Variants in CNTNAP2 observed in about 807,000 individuals in gnomAD.
The protein encoded by CNTNAP2 is contactin associated protein 2, also known as contactin-associated protein-like 2.
A neutral mutation model predicts 155.2 loss-of-function variants in CNTNAP2; 98 were observed. That is an observed-to-expected ratio of 0.63 (90% CI 0.54 to 0.75). The LOEUF is 0.75. Among genes scored for constraint, CNTNAP2 ranks in the 30% least tolerant of loss-of-function variants. The pLI, the probability that CNTNAP2 is intolerant of heterozygous loss-of-function variation, is 0.00. For missense variants in CNTNAP2, 1,727 were observed against 1,688.1 expected (o/e 1.02, Z -0.40); for synonymous variants, 651 against 631.2 (o/e 1.03, Z -0.47).
At chr7:147,963,489 A>G (rs1483452042) in intron 14 of CNTNAP2, among the ~76,000 whole-genome samples, 4 of 152,144 alleles carry the variant, frequency 2.6e-5, no homozygotes, top group African/African-American at 7.2e-5. Flanking sequence ...TAGGCAGAGA[A>G]AAGAAGAAAG....
intron 13 of CNTNAP2, among the ~76,000 whole-genome samples, chr7:147,787,434 C>T (rs531204254): frequency 6.6e-6 from 1 of 152,282 alleles, no homozygotes; most frequent in South Asian, 2.1e-4. Context: ...AAAGTCAAAT[C>T]AAATATTAAT....
Position 146,744,678 on chromosome 7 carries a change from T to C in CNTNAP2, c.98-29593T>C, listed in dbSNP as rs1311320210. On this transcript the variant is annotated intron_variant, in intron 1 of 23. Transcript: ENST00000361727. Reference sequence around the variant, plus strand: ...CCTCCAATGTTGGAACTATCTTGCATGTCACACCAATTAAATAAAATGGGT... The same window carrying C: ...CCTCCAATGTTGGAACTATCTTGCACGTCACACCAATTAAATAAAATGGGT... Among the ~76,000 whole-genome samples, 4 of 152,336 alleles carry C rather than the reference T, an allele frequency of 2.6e-5. No homozygotes were observed. In the East Asian group the frequency reaches 5.8e-4, roughly 22 times the overall value.
intron 1 of CNTNAP2, among the ~76,000 whole-genome samples, chr7:146,387,018 C>T (rs1469295050): frequency 6.6e-6 from 1 of 152,038 alleles, no homozygotes; most frequent in Non-Finnish European, 1.5e-5. Flanking sequence ...ACACTCTCAC[C>T]CAAAACAAAC....
At chr7:147,473,295 G>A (rs2116613012) in intron 10 of CNTNAP2, among the ~76,000 whole-genome samples, 1 of 152,256 alleles carries the variant, frequency 6.6e-6, no homozygotes, top group South Asian at 2.1e-4. Flanking sequence ...ATTTGTTTTA[G>A]GTAACATTAA....
intron 13 of CNTNAP2, among the ~76,000 whole-genome samples, chr7:147,765,868 A>G (rs1457198123): frequency 1.3e-5 from 2 of 152,210 alleles, no homozygotes; most frequent in African/African-American, 4.8e-5. Context: ...TACTCGTACA[A>G]TGGAATACTA....
intron 12 of CNTNAP2, among the ~76,000 whole-genome samples, chr7:147,637,633 T>C (rs1795202969): frequency 1.3e-5 from 2 of 152,154 alleles, no homozygotes; most frequent in South Asian, 4.1e-4. Flanking sequence ...GGGCAGGGAT[T>C]TCATGGAGTA....
intron 3 of CNTNAP2, among the ~76,000 whole-genome samples, chr7:146,869,898 G>T (rs1022849648): frequency 3.9e-5 from 6 of 152,066 alleles, no homozygotes; most frequent in Non-Finnish European, 7.4e-5. Flanking sequence ...ATCTCTTCTG[G>T]TAACACTCAG....
chr7:147,551,671 T>G (rs35194474), intron 11 of CNTNAP2, among the ~76,000 whole-genome samples: 19,114 of 152,186 alleles, frequency 0.13, 1,526 homozygotes, highest in East Asian at 0.31. Flanking sequence ...CAGATGCTAA[T>G]ATCTTGTTGC....
intron 3 of CNTNAP2, among the ~76,000 whole-genome samples, chr7:146,985,122 A>G (rs1798091755): frequency 6.6e-6 from 1 of 152,124 alleles, no homozygotes; most frequent in South Asian, 2.1e-4. Context: ...TCATAGAATG[A>G]TAAAAGCAGT....
intron 1 of CNTNAP2, among the ~76,000 whole-genome samples, chr7:146,216,819 A>G (rs1455857987): frequency 2.6e-5 from 4 of 152,218 alleles, no homozygotes; most frequent in Admixed American, 2.6e-4. Context: ...TGGGATTTGT[A>G]CTAGAGTTGT....
chr7:147,647,868 A>C (rs1444107337), intron 13 of CNTNAP2, among the ~76,000 whole-genome samples: 1 of 152,182 alleles, frequency 6.6e-6, no homozygotes, highest in African/African-American at 2.4e-5. Context: ...ACAGGCAAGC[A>C]AGTAAAAAAA....
At chr7:147,027,557 A>T (rs1798946771) in intron 3 of CNTNAP2, among the ~76,000 whole-genome samples, 1 of 152,348 alleles carries the variant, frequency 6.6e-6, no homozygotes, top group Non-Finnish European at 1.5e-5. Flanking sequence ...GCAACGTATG[A>T]ACAAAAGGCA....
At chr7:146,143,953 G>T (rs140127189) in intron 1 of CNTNAP2, among the ~76,000 whole-genome samples, 2,335 of 151,968 alleles carry the variant, frequency 0.015, 53 homozygotes, top group African/African-American at 0.053. Flanking sequence ...AGTAGATATG[G>T]GTTTCACCAT....
chr7:147,281,014 A>T (rs1805021614), intron 8 of CNTNAP2, among the ~76,000 whole-genome samples: 1 of 151,930 alleles, frequency 6.6e-6, no homozygotes. Context: ...TTACTAGTTT[A>T]TATGGGCAAG....
intron 2 of CNTNAP2, among the ~76,000 whole-genome samples, chr7:146,816,015 G>T (rs1455134403): frequency 1.3e-5 from 2 of 152,136 alleles, no homozygotes; most frequent in African/African-American, 4.8e-5. Context: ...TGTGGTGTTT[G>T]GTTTTCTGTC....
chr7:147,747,307 G>A (rs1797060652), intron 13 of CNTNAP2, among the ~76,000 whole-genome samples: 1 of 152,028 alleles, frequency 6.6e-6, no homozygotes, highest in Non-Finnish European at 1.5e-5. Flanking sequence ...ACATCAGACT[G>A]GCATCTCTTC....
intron 9 of CNTNAP2, among the ~76,000 whole-genome samples, chr7:147,321,995 G>T (rs1258821068): frequency 3.9e-5 from 6 of 152,160 alleles, no homozygotes; most frequent in South Asian, 2.1e-4. Context: ...ACTGTTCAAG[G>T]CTAATGCAGT....
chr7:147,640,522 G>A (rs865823850), intron 13 of CNTNAP2, among the ~76,000 whole-genome samples: 1 of 152,144 alleles, frequency 6.6e-6, no homozygotes, highest in Non-Finnish European at 1.5e-5. Context: ...TTTGTGCTAT[G>A]TCAGAGACCA....
rs112651386 is a variant in CNTNAP2 at position 147,272,895 on chromosome 7, T to C, written c.1349-27246T>C. 2.2e-4 allele frequency among the ~76,000 whole-genome samples: 34 copies of C among 152,258 alleles called. 1 individual carries two copies. Among genetic ancestry groups the C allele is most frequent in the African/African-American group, 8.2e-4 (34 of 41,550 alleles). ...TGATTTGTCTTTTAATATACTTCCA[T>C]TTGCTTATGTTGAGTGAAGTTATCT... is the stretch of plus-strand genomic sequence containing the variant. On this transcript the variant is annotated intron_variant, in intron 8 of 23. Transcript: ENST00000361727.
Sources: gnomAD v4.1 joint callset for allele counts (sites outside exome capture counted in the v4.1 genomes callset) on GRCh38, gnomAD v4.1.1 for gene constraint, MANE v1.5 for transcripts, NCBI Gene and HGNC (gene_info 2026-07-23, HGNC 2026-07-21) for gene names.